Variants in CHODL observed in about 807,000 individuals in gnomAD.
CHODL encodes the protein transmembrane protein MT75.
In CHODL, 29 loss-of-function variants were observed where a neutral mutation model predicts 34.5. The observed-to-expected ratio is 0.84, with a 90% CI of 0.63 to 1.15. The LOEUF is 1.15. Ranked by LOEUF, CHODL falls within the 50% of genes most tolerant of loss-of-function variation. The probability of loss-of-function intolerance (pLI) is 0.00; values close to 1 mark genes in which losing one functional copy is unlikely to be tolerated. For missense variants in CHODL, 332 were observed against 332.5 expected, an observed-to-expected ratio of 1.00 and a Z score of 0.01; for synonymous variants, 125 against 116.1, an observed-to-expected ratio of 1.08 and a Z score of -0.49.
intron 2 of CHODL, among the ~76,000 whole-genome samples, chr21:18,226,537 G>T (rs2073932835): frequency 6.6e-6 from 1 of 152,046 alleles, no homozygotes; most frequent in African/African-American, 2.4e-5. Flanking sequence ...GACCTCAATT[G>T]GTCTGCCCGC....
At chr21:18,153,747 T>TA (rs1601078590) in intron 2 of CHODL, among the ~76,000 whole-genome samples, 1 of 151,336 alleles carries the variant, frequency 6.6e-6, no homozygotes, top group Non-Finnish European at 1.5e-5. Flanking sequence ...AGGACTATGT[T>TA]TTATATATAT....
intron 2 of CHODL, among the ~76,000 whole-genome samples, chr21:18,147,514 T>C (rs1009992789): frequency 1.3e-5 from 2 of 152,260 alleles, no homozygotes; most frequent in African/African-American, 4.8e-5. Flanking sequence ...ATGTGTGGCT[T>C]ATAGACATAA....
chr21:18,190,483 T>G (rs2073498111), intron 2 of CHODL, among the ~76,000 whole-genome samples: 1 of 152,216 alleles, frequency 6.6e-6, no homozygotes, highest in Non-Finnish European at 1.5e-5. Context: ...GTAAAAGTGC[T>G]GATTATTTTA....
At chr21:18,228,259 G>T (rs117211860) in intron 2 of CHODL, among the ~76,000 whole-genome samples, 4,829 of 152,252 alleles carry the variant, frequency 0.032, 129 homozygotes, top group Middle Eastern at 0.051. Context: ...ACATGAGACA[G>T]CAGAGTGATA....
intron 1 of CHODL, among the ~76,000 whole-genome samples, chr21:17,981,027 G>T (rs937537946): frequency 2.0e-5 from 3 of 152,144 alleles, no homozygotes; most frequent in African/African-American, 7.2e-5. Flanking sequence ...TTTATGTAAA[G>T]CTTACCCTGC....
At chr21:17,947,187 G>A (rs557308575) in intron 1 of CHODL, among the ~76,000 whole-genome samples, 116 of 152,136 alleles carry the variant, frequency 7.6e-4, no homozygotes, top group African/African-American at 2.7e-3. Context: ...TTTAAAACTA[G>A]ATATCAGTAA....
chr21:18,109,570 G>T (rs1175640742), intron 2 of CHODL, among the ~76,000 whole-genome samples: 1 of 152,104 alleles, frequency 6.6e-6, no homozygotes, highest in Non-Finnish European at 1.5e-5. Context: ...GACTTCAGCT[G>T]TAGTCCTGTC....
chr21:18,028,266 TTTTCCTTTTCCCC>T (rs1568850999), intron 2 of CHODL, among the ~76,000 whole-genome samples: 1,820 of 44,074 alleles, frequency 0.041, 64 homozygotes, highest in Non-Finnish European at 0.052. Context: ...TTCTTTTTCT[TTTTCCTTTTCCCC>T]TTCCTTCCTT....
At chr21:18,235,611 G>A (rs1183546252) in intron 2 of CHODL, among the ~76,000 whole-genome samples, 2 of 152,162 alleles carry the variant, frequency 1.3e-5, no homozygotes, top group South Asian at 2.1e-4. Flanking sequence ...AGGATAATAT[G>A]ATCAAATAAT....
intron 1 of CHODL, among the ~76,000 whole-genome samples, chr21:18,246,801 A>G (rs1192941193): frequency 6.6e-6 from 1 of 152,192 alleles, no homozygotes; most frequent in East Asian, 1.9e-4. Context: ...AAGTAAAAAC[A>G]GAGCTTAAAA....
intron 2 of CHODL, among the ~76,000 whole-genome samples, chr21:18,131,091 A>C (rs184409284): frequency 9.5e-4 from 145 of 152,152 alleles, no homozygotes; most frequent in Admixed American, 1.6e-3. Context: ...TGCAAATGGC[A>C]GGGGAAAAGA....
chr21:18,250,557 G>C (rs894972592), intron 1 of CHODL, among the ~76,000 whole-genome samples: 1 of 151,840 alleles, frequency 6.6e-6, no homozygotes, highest in African/African-American at 2.4e-5. Context: ...AAAAATAAAA[G>C]TTTATTATAA....
At chr21:18,183,383 C>T (rs1393351986) in intron 2 of CHODL, among the ~76,000 whole-genome samples, 1 of 152,148 alleles carries the variant, frequency 6.6e-6, no homozygotes, top group Non-Finnish European at 1.5e-5. Context: ...AGAATTGTGG[C>T]AAACTGTCTT....
At chr21:18,255,912 C>CACTTCCAATGTAA (rs2074309696) in intron 1 of CHODL, among the ~76,000 whole-genome samples, 1 of 151,980 alleles carries the variant, frequency 6.6e-6, no homozygotes, top group South Asian at 2.1e-4. Flanking sequence ...CTTTAGAACT[C>CACTTCCAATGTAA]TATCTTGTCA....
At chr21:18,253,794 G>A (rs1162819361) in intron 1 of CHODL, among the ~76,000 whole-genome samples, 10 of 152,044 alleles carry the variant, frequency 6.6e-5, no homozygotes. Context: ...ATACTAATAT[G>A]TTCTTTTTCA....
chr21:17,954,731 G>A (rs2063483895), intron 1 of CHODL, among the ~76,000 whole-genome samples: 1 of 133,444 alleles, frequency 7.5e-6, no homozygotes, highest in East Asian at 2.2e-4. Flanking sequence ...TGAATCTCCA[G>A]CTTGCAGATA....
intron 2 of CHODL, among the ~76,000 whole-genome samples, chr21:18,084,837 G>A (rs948853487): frequency 1.3e-5 from 2 of 151,356 alleles, no homozygotes; most frequent in East Asian, 1.9e-4. Flanking sequence ...TTTTTGTCTC[G>A]ATGATCTGTC....
At chr21:18,226,722 A>G (rs2073934617) in intron 2 of CHODL, among the ~76,000 whole-genome samples, 1 of 152,156 alleles carries the variant, frequency 6.6e-6, no homozygotes, top group East Asian at 1.9e-4. Context: ...ACAGCCCTCT[A>G]GAACATCATG....
chr21:17,926,723 G>A (rs2063226159), intron 1 of CHODL, among the ~76,000 whole-genome samples: 1 of 152,102 alleles, frequency 6.6e-6, no homozygotes, highest in Non-Finnish European at 1.5e-5. Context: ...GGATTATAGG[G>A]ATTACAATTC....
Sources: allele counts gnomAD v4.1 joint callset (sites outside exome capture counted in the v4.1 genomes callset), GRCh38; gene constraint gnomAD v4.1.1; transcripts MANE v1.5; gene names NCBI Gene and HGNC (gene_info 2026-07-23, HGNC 2026-07-21).